ZNF487: variants seen among roughly 807,000 people sequenced by gnomAD.
ZNF487 encodes KRAB domain only 1.
In ZNF487, 4 loss-of-function variants were observed where a neutral mutation model predicts 3.0. The ratio of observed to expected loss-of-function variants is 1.35; its 90% CI spans 0.66 to 3.08. The LOEUF (loss-of-function observed/expected upper bound fraction) is 3.08, where lower values mean the gene tolerates loss of function less well. Ranked by LOEUF, ZNF487 falls within the 30% of genes most tolerant of loss-of-function variation. ZNF487 has a pLI of 0.01. For missense variants in ZNF487, 146 were observed against 98.7 expected, an observed-to-expected ratio of 1.48 and a Z score of -2.03; for synonymous variants, 55 against 34.6, an observed-to-expected ratio of 1.59 and a Z score of -2.06.
the ZNF487 span, among the ~76,000 whole-genome samples, chr10:43,489,506 A>G: frequency 6.6e-6 from 1 of 152,096 alleles, no homozygotes; most frequent in South Asian, 2.1e-4. Flanking sequence ...GGCGCCGGCC[A>G]CCAAGCCTGG....
At chr10:43,492,746 A>G in the ZNF487 span, among the ~76,000 whole-genome samples, 19,196 of 152,176 alleles carry the variant, frequency 0.13, 2,616 homozygotes, top group African/African-American at 0.34. Flanking sequence ...AAATAAATTT[A>G]ATGTGTATTT....
At chr10:43,437,072 C>G (rs952575324), upstream of ZNF487, 5 of 309,758 alleles carry the variant, frequency 1.6e-5, no homozygotes, top group Admixed American at 4.8e-5. Context: ...GGCGGGCGCC[C>G]GGGATTCGCG....
chr10:43,490,244 C>T, the ZNF487 span, among the ~76,000 whole-genome samples: 6 of 152,072 alleles, frequency 3.9e-5, no homozygotes, highest in South Asian at 8.3e-4. Context: ...CCCAGCTACT[C>T]GGGAGGCTGA....
chr10:43,503,729 C>T, the ZNF487 span, among the ~76,000 whole-genome samples: 2 of 152,280 alleles, frequency 1.3e-5, no homozygotes, highest in South Asian at 4.1e-4. Context: ...CCTCAGCCTC[C>T]CAAATAGCTG....
rs748090066 is a variant in ZNF487, at chr10:43,481,723, G to T, written c.425G>T (p.Arg142Leu). The T allele has an allele frequency of 2.8e-6, 2 of 716,512 alleles. No homozygotes were observed. The highest frequency in any genetic ancestry group is 5.2e-6 in the Non-Finnish European group (2 of 384,924). The allele number at this position is 716,512 out of a possible 1,614,324, so 44.4% of individuals were successfully genotyped here. ...VRGKFLLCMK[R>L]ENPYARGKPL... ...GGGAAATTTCTCCTCTGTATGAAGC[G>T]TGAGAATCCTTATGCCAGAGGGAAA... Residue 142 changes from arginine to leucine, a missense_variant, in exon 4 of 4, where the codon CGT becomes CTT. Transcript: ENST00000437590.
chr10:43,440,647 G>C (rs916860653), intron 1 of ZNF487, among the ~76,000 whole-genome samples: 1 of 150,738 alleles, frequency 6.6e-6, no homozygotes, highest in Admixed American at 6.6e-5. Flanking sequence ...AACAGAGTGA[G>C]ACTCTGTCTC....
chr10:43,478,766 T>A (rs190051429), intron 3 of ZNF487, among the ~76,000 whole-genome samples: 5 of 152,020 alleles, frequency 3.3e-5, no homozygotes, highest in African/African-American at 9.6e-5. Context: ...GAATCATATA[T>A]GAAATGTGAA....
downstream of ZNF487, among the ~76,000 whole-genome samples, chr10:43,485,914 T>C (rs1011564539): frequency 6.6e-6 from 1 of 152,138 alleles, no homozygotes; most frequent in East Asian, 1.9e-4. Flanking sequence ...GCTGTATTTA[T>C]GGGGTAGTAT....
At position 43,482,957 on chromosome 10, in the gene ZNF487, C is replaced by A; in HGVS notation, c.*1035C>A. ...GGAAAACCTTCTACCAGAAGTCATC[C>A]CTCACAACACATCAGAGAACACACA... On this transcript the variant is annotated 3_prime_UTR_variant, in exon 4 of 4. Transcript: ENST00000437590. 1.9e-6 allele frequency: 1 copy of A among 524,572 alleles called. No individual in the cohort carries two copies. 32.5% of individuals were successfully genotyped at this position (524,572 alleles called of 1,614,324 possible). A position where few individuals can be genotyped will look rare whatever the true frequency, so the allele number is the denominator to read the frequency against.
At chr10:43,491,847 G>A in the ZNF487 span, among the ~76,000 whole-genome samples, 2 of 151,790 alleles carry the variant, frequency 1.3e-5, no homozygotes, top group African/African-American at 4.9e-5. Context: ...TGTGGACCAA[G>A]AAATAAAATC....
intron 1 of ZNF487, among the ~76,000 whole-genome samples, chr10:43,468,045 A>G (rs748097223): frequency 6.6e-6 from 1 of 152,188 alleles, no homozygotes; most frequent in Non-Finnish European, 1.5e-5. Context: ...GAGGGGTTCA[A>G]GTCTTCAGTG....
chr10:43,486,929 T>C (rs764320564), downstream of ZNF487, among the ~76,000 whole-genome samples: 5 of 152,200 alleles, frequency 3.3e-5, no homozygotes, highest in Non-Finnish European at 5.9e-5. Context: ...TAAAATTCAG[T>C]GGTATTTATT....
At chr10:43,479,370 A>G (rs758021845) in intron 3 of ZNF487, among the ~76,000 whole-genome samples, 2 of 151,966 alleles carry the variant, frequency 1.3e-5, no homozygotes, top group Admixed American at 6.6e-5. Flanking sequence ...TTAGTGATCT[A>G]TTTTTCTTAA....
chr10:43,518,334 A>G, the ZNF487 span, among the ~76,000 whole-genome samples: 1 of 152,158 alleles, frequency 6.6e-6, no homozygotes, highest in African/African-American at 2.4e-5. Flanking sequence ...GATTTAAGTT[A>G]CAAAGGAGCA....
chr10:43,504,316 C>A, the ZNF487 span, among the ~76,000 whole-genome samples: 3 of 89,568 alleles, frequency 3.3e-5, no homozygotes, highest in Non-Finnish European at 6.7e-5. Context: ...TTTTTTGAGG[C>A]GGAGTCTTGC....
the ZNF487 span, among the ~76,000 whole-genome samples, chr10:43,516,207 A>G: frequency 6.6e-6 from 1 of 152,208 alleles, no homozygotes; most frequent in Non-Finnish European, 1.5e-5. Flanking sequence ...CTTGCCTGTC[A>G]TGAGCAATGA....
chr10:43,498,274 A>T, the ZNF487 span, among the ~76,000 whole-genome samples: 51,852 of 102,862 alleles, frequency 0.5, 12,675 homozygotes, highest in African/African-American at 0.58. Context: ...ATATATATAT[A>T]TTTTTTTCTT....
the ZNF487 span, chr10:43,523,279 A>G: frequency 6.6e-6 from 1 of 152,360 alleles, no homozygotes; most frequent in South Asian, 2.1e-4. Flanking sequence ...AGAACCAGGA[A>G]AACCAAGACC....
chr10:43,493,687 C>CAAA, the ZNF487 span, among the ~76,000 whole-genome samples: 55 of 13,378 alleles, frequency 4.1e-3, no homozygotes, highest in African/African-American at 5.4e-3. Context: ...GACCCTTCCT[C>CAAA]AAAAAAAGAA....
Sources: gnomAD v4.1 joint callset for allele counts (sites outside exome capture counted in the v4.1 genomes callset) on GRCh38, gnomAD v4.1.1 for gene constraint, MANE v1.5 for transcripts, NCBI Gene and HGNC (gene_info 2026-07-23, HGNC 2026-07-21) for gene names.